Variants in EHHADH observed in about 807,000 individuals in gnomAD.
EHHADH encodes the protein peroxisomal bifunctional enzyme.
In EHHADH, 48 loss-of-function variants were observed where a neutral mutation model predicts 64.4. The observed-to-expected ratio is 0.75, with a 90% CI of 0.59 to 0.95. The LOEUF is 0.95. EHHADH is among the 40% of genes least tolerant of loss of function. EHHADH has a pLI of 0.00. For missense variants in EHHADH, 854 were observed against 876.6 expected, an observed-to-expected ratio of 0.97 and a Z score of 0.33; for synonymous variants, 308 against 326.7, an observed-to-expected ratio of 0.94 and a Z score of 0.62.
intron 1 of EHHADH, 128 bp downstream of exon 1, chr3:185,253,821 T>C (rs1719818787): frequency 7.1e-7 from 1 of 1,407,148 alleles, no homozygotes; most frequent in Non-Finnish European, 9.3e-7. Context: ...GTTCCTGGCA[T>C]GTACCAGTTG....
At chr3:185,201,031 A>G (rs757078229) in intron 6 of EHHADH, among the ~76,000 whole-genome samples, 23 of 152,230 alleles carry the variant, frequency 1.5e-4, no homozygotes, top group Non-Finnish European at 3.1e-4. Flanking sequence ...GAGCTGATCA[A>G]GTAATGGATG....
At chr3:185,228,889 C>T (rs1224775115) in intron 4 of EHHADH, among the ~76,000 whole-genome samples, 3 of 151,800 alleles carry the variant, frequency 2.0e-5, no homozygotes, top group Admixed American at 6.6e-5. Flanking sequence ...CCGCAACCTC[C>T]GCTTCCTGGG....
At chr3:185,219,143 A>G (rs1718770824) in intron 4 of EHHADH, among the ~76,000 whole-genome samples, 2 of 152,250 alleles carry the variant, frequency 1.3e-5, no homozygotes, top group African/African-American at 4.8e-5. Context: ...AATTAAAATT[A>G]CCTAGGACAA....
At chr3:185,228,257 A>AAAAAAAATAT (rs1367786172) in intron 4 of EHHADH, among the ~76,000 whole-genome samples, 16 of 21,998 alleles carry the variant, frequency 7.3e-4, no homozygotes, top group Non-Finnish European at 8.6e-4. Flanking sequence ...AAAAAAAAAA[A>AAAAAAAATAT]ATATATATAT....
In EHHADH at chr3:185,206,913, CA is replaced by C. The variant is rs148892401; in HGVS notation, c.569-2157del. Among the ~76,000 whole-genome samples, 1,251 of 151,622 alleles carry C rather than the reference CA, an allele frequency of 8.3e-3. 19 individuals carry two copies. The highest frequency in any genetic ancestry group is 0.028 in the African/African-American group (1,163 of 41,296). ...GTGGTAGTCAGAATAACACCCCCCC[CA>C]CCAAATGTTCATGTCTTAATTCCTA... On this transcript the variant is annotated intron_variant, in intron 5 of 6. Coordinates refer to ENST00000231887, the MANE Select transcript of EHHADH (RefSeq NM_001966.4).
At chr3:185,228,289 G>T (rs1203452515) in intron 4 of EHHADH, among the ~76,000 whole-genome samples, 1 of 124,788 alleles carries the variant, frequency 8.0e-6, no homozygotes, top group Non-Finnish European at 1.7e-5. Context: ...TGGAGAGAGA[G>T]AGAGAGAGAG....
In EHHADH at chr3:185,254,041, G is replaced by C; in HGVS notation, c.-19C>G. 1 of 1,612,004 alleles carries C rather than the reference G, an allele frequency of 6.2e-7. No individual in the cohort carries two copies. ...CGGCCATGTTTCCTCTATCACCGAG[G>C]GCACCTCTGCCTCTCGCCGTCAGGC... On this transcript the variant is annotated 5_prime_UTR_variant, in exon 1 of 7. Transcript: ENST00000231887.
intron 2 of EHHADH, among the ~76,000 whole-genome samples, chr3:185,241,388 T>C (rs1719447313): frequency 6.6e-6 from 1 of 152,216 alleles, no homozygotes; most frequent in South Asian, 2.1e-4. Context: ...CTGTTTTCCA[T>C]AGTAGTTGTA....
intron 6 of EHHADH, among the ~76,000 whole-genome samples, chr3:185,203,470 T>C (rs908361128): frequency 6.6e-6 from 1 of 152,208 alleles, no homozygotes; most frequent in African/African-American, 2.4e-5. Flanking sequence ...GTGCAAAGAA[T>C]GCTTCACTTA....
intron 4 of EHHADH, among the ~76,000 whole-genome samples, chr3:185,219,619 T>C (rs1392946364): frequency 1.3e-5 from 2 of 152,116 alleles, no homozygotes; most frequent in Non-Finnish European, 2.9e-5. Context: ...AGGTAAGAGG[T>C]AGGGGACATC....
chr3:185,234,729 C>T (rs1719240816), intron 3 of EHHADH, among the ~76,000 whole-genome samples: 1 of 152,084 alleles, frequency 6.6e-6, no homozygotes, highest in Non-Finnish European at 1.5e-5. Context: ...TAGAGAGGCC[C>T]TAGGGCTAAG....
At position 185,193,281 on chromosome 3, in the gene EHHADH, C is replaced by T; in HGVS notation, c.1117G>A (p.Gly373Ser). 1 of 1,605,698 alleles carries T rather than the reference C, an allele frequency of 6.2e-7. No homozygotes were observed. Among genetic ancestry groups the T allele is most frequent in the Non-Finnish European group, 8.5e-7 (1 of 1,176,424 alleles). The change falls in exon 7 of 7, where the codon GGT becomes AGT. Residue 373 changes from glycine (G) to serine (S), a missense_variant. Coordinates refer to ENST00000231887, the MANE Select transcript of EHHADH (RefSeq NM_001966.4). ...PRLTSSVKEL[G>S]GVDLVIEAVF... ...GCTTCAATGACTAAATCTACACCAC[C>T]AAGCTCCTTCACAGATGAAGTTAAC...
At chr3:185,235,658 T>C (rs1719271652) in intron 2 of EHHADH, among the ~76,000 whole-genome samples, 196 bp from the exon 3 acceptor site, 1 of 152,204 alleles carries the variant, frequency 6.6e-6, no homozygotes. Flanking sequence ...ACAAGTATAT[T>C]GGAGAATGTA....
intron 2 of EHHADH, among the ~76,000 whole-genome samples, chr3:185,236,829 GATA>G (rs1013051708): frequency 4.6e-5 from 7 of 152,136 alleles, no homozygotes; most frequent in Non-Finnish European, 1.0e-4. Flanking sequence ...TAGTTTTTTA[GATA>G]ATAACAGAAA....
chr3:185,207,413 C>G (rs1718427343), intron 5 of EHHADH, among the ~76,000 whole-genome samples: 1 of 151,990 alleles, frequency 6.6e-6, no homozygotes, highest in African/African-American at 2.4e-5. Flanking sequence ...GGGGATTCAA[C>G]AAGGAAGAAG....
intron 2 of EHHADH, among the ~76,000 whole-genome samples, chr3:185,245,251 T>C (rs1157859872): frequency 6.6e-6 from 1 of 152,244 alleles, no homozygotes; most frequent in East Asian, 1.9e-4. Flanking sequence ...CCCCATATCA[T>C]GTTTCTCTGA....
intron 2 of EHHADH, among the ~76,000 whole-genome samples, chr3:185,247,033 T>C (rs1719614765): frequency 1.3e-5 from 2 of 152,182 alleles, no homozygotes; most frequent in Non-Finnish European, 2.9e-5. Context: ...TGAGAATTAC[T>C]AGTTATATTT....
In EHHADH at chr3:185,216,514, G is replaced by T. The variant is rs1718684381; in HGVS notation, c.568+1622C>A. Among the ~76,000 whole-genome samples, 1 of 152,204 alleles carries T rather than the reference G, an allele frequency of 6.6e-6. No individual in the cohort carries two copies. The highest frequency in any genetic ancestry group is 2.1e-4 in the South Asian group (1 of 4,834). ...CAATGATGAAAACACAGTGAAGGTT[G>T]CCTGAAAGGCCGAGAAAAATAGTAG... On this transcript the variant is annotated intron_variant, in intron 5 of 6. Transcript: ENST00000231887. The surrounding 1 kb of genome is among the most constrained non-coding windows in gnomAD (Gnocchi z 5.3).
chr3:185,211,467 T>C (rs1718537275), intron 5 of EHHADH, among the ~76,000 whole-genome samples: 1 of 152,226 alleles, frequency 6.6e-6, no homozygotes, highest in Non-Finnish European at 1.5e-5. Context: ...CTTCTTCTGC[T>C]GTAATGGCAG....
Sources: allele counts gnomAD v4.1 joint callset (sites outside exome capture counted in the v4.1 genomes callset), GRCh38; gene constraint gnomAD v4.1.1; non-coding constraint Gnocchi (gnomAD v3.1); transcripts MANE v1.5; gene names NCBI Gene and HGNC (gene_info 2026-07-23, HGNC 2026-07-21).